NACC2: variants seen among roughly 807,000 people sequenced by gnomAD.
NACC2 encodes nucleus accumbens-associated protein 2.
NACC2 carries 8 observed loss-of-function variants against 25.1 expected under a neutral mutation model. That is an observed-to-expected ratio of 0.32 (90% CI 0.19 to 0.57). NACC2 has a LOEUF of 0.57. NACC2 is among the 20% of genes least tolerant of loss of function. NACC2 has a pLI of 0.89. For missense variants in NACC2, 644 were observed against 650.2 expected, an observed-to-expected ratio of 0.99 and a Z score of 0.10; for synonymous variants, 435 against 294.7, an observed-to-expected ratio of 1.48 and a Z score of -4.88.
chr9:136,012,994 C>G (rs2280484), intron 5 of NACC2, among the ~76,000 whole-genome samples: 18,467 of 152,292 alleles, frequency 0.12, 1,244 homozygotes, highest in Admixed American at 0.19. Context: ...ACTTGGAAAC[C>G]TACCAAGAAC....
intron 1 of NACC2, among the ~76,000 whole-genome samples, chr9:136,062,420 G>A (rs866537768): frequency 2.0e-5 from 3 of 152,212 alleles, no homozygotes; most frequent in Non-Finnish European, 2.9e-5. Context: ...CCCAAAGACA[G>A]TGAGGTTTTG....
chr9:136,051,933 GAGGAGGGC>G (rs1840850691), intron 1 of NACC2, among the ~76,000 whole-genome samples: 2 of 151,694 alleles, frequency 1.3e-5, no homozygotes, highest in Non-Finnish European at 2.9e-5. Context: ...GGAGGAGGAG[GAGGAGGGC>G]AGAGCGCCTG....
Position 136,064,600 on chromosome 9 carries a change from ATTATTAAAGTCTTCC to A in NACC2, c.-59-14035_-59-14021del, listed in dbSNP as rs1334642591. On this transcript the variant is annotated intron_variant, in intron 1 of 5. Transcript: ENST00000277554. Reference sequence around the variant, plus strand: ...TATTCATGGGATGGGAAGACCTAACATTATTAAAGTCTTCCTTAATAATGTTAATTAAGGAATATG... The same window carrying A: ...TATTCATGGGATGGGAAGACCTAACATTAATAATGTTAATTAAGGAATATG... Among the ~76,000 whole-genome samples the A allele has an allele frequency of 1.3e-4, 20 of 152,342 alleles. No individual in the cohort carries two copies. In the East Asian group the frequency reaches 2.7e-3, roughly 21 times the overall value.
intron 2 of NACC2, among the ~76,000 whole-genome samples, chr9:136,047,848 A>G (rs1049328198): frequency 2.2e-3 from 340 of 152,316 alleles, no homozygotes; most frequent in African/African-American, 7.9e-3. Context: ...CCCAGCACCC[A>G]GGGGCAGATG....
In NACC2 at chr9:136,012,001, TG is replaced by T; in HGVS notation, c.1278del (p.Ser427AlafsTer7). On this transcript the variant is annotated frameshift_variant, in exon 6 of 6. Coordinates refer to ENST00000277554, the MANE Select transcript of NACC2 (RefSeq NM_144653.5). LOFTEE classifies it high-confidence loss of function. Reference protein sequence around the residue: ...AVKLYCQNFAPSFKESEMNVI... With the variant: ...AVKLYCQNFAXSFKESEMNVI... ...ACGTTCATCTCGCTCTCCTTGAAGCTGGGGGCGAAGTTCTGACAGTACACTG... is the reference window on the plus strand; with the variant it reads ...ACGTTCATCTCGCTCTCCTTGAAGCTGGGGCGAAGTTCTGACAGTACACTG... The T allele has an allele frequency of 1.9e-6, 3 of 1,595,106 alleles. No homozygotes were observed. The highest frequency in any genetic ancestry group is 8.5e-7 in the Non-Finnish European group (1 of 1,171,538).
intron 2 of NACC2, among the ~76,000 whole-genome samples, chr9:136,028,371 G>A (rs891403959): frequency 1.2e-4 from 17 of 140,614 alleles, no homozygotes; most frequent in East Asian, 4.2e-4. Context: ...CTTTGCCTTT[G>A]CTTCCTTTTT....
intron 1 of NACC2, among the ~76,000 whole-genome samples, chr9:136,053,444 T>C (rs1256491241): frequency 6.6e-6 from 1 of 152,058 alleles, no homozygotes; most frequent in East Asian, 1.9e-4. Flanking sequence ...CACTCGGCCA[T>C]GCTGATGAGC....
chr9:136,069,594 C>A (rs191951312), intron 1 of NACC2, among the ~76,000 whole-genome samples: 3 of 151,548 alleles, frequency 2.0e-5, no homozygotes, highest in East Asian at 1.9e-4. Flanking sequence ...AAACACCTCA[C>A]TTCAAATATA....
At chr9:136,048,507 C>T (rs962385079) in intron 2 of NACC2, among the ~76,000 whole-genome samples, 1 of 152,248 alleles carries the variant, frequency 6.6e-6, no homozygotes, top group African/African-American at 2.4e-5. Flanking sequence ...AAGCCCAGAT[C>T]GAGGTGGCCT....
intron 2 of NACC2, among the ~76,000 whole-genome samples, chr9:136,029,410 C>T (rs889051981): frequency 2.0e-5 from 3 of 152,194 alleles, no homozygotes; most frequent in Non-Finnish European, 2.9e-5. Flanking sequence ...ACTTTACTTG[C>T]CCTCCAGTTG....
chr9:136,056,117 C>T (rs886365960), intron 1 of NACC2, among the ~76,000 whole-genome samples: 83 of 152,104 alleles, frequency 5.5e-4, no homozygotes, highest in Middle Eastern at 3.4e-3. Context: ...GCAGGGGGCC[C>T]GGAGGTTAAC....
At chr9:136,085,123 A>G (rs1830364515) in intron 1 of NACC2, among the ~76,000 whole-genome samples, 1 of 134,944 alleles carries the variant, frequency 7.4e-6, no homozygotes, top group South Asian at 2.4e-4. Context: ...ACATAGGAAG[A>G]CTCCATTTCT....
intron 1 of NACC2, among the ~76,000 whole-genome samples, chr9:136,072,093 C>T (rs1157082586): frequency 1.3e-5 from 2 of 151,886 alleles, no homozygotes; most frequent in Non-Finnish European, 2.9e-5. Flanking sequence ...TAAAAATTAG[C>T]TGGGCATGGT....
intron 1 of NACC2, among the ~76,000 whole-genome samples, chr9:136,085,137 A>ATTTTTTTTTTTTT: frequency 1.2e-5 from 1 of 82,770 alleles, no homozygotes; most frequent in Non-Finnish European, 2.3e-5. Flanking sequence ...CATTTCTACA[A>ATTTTTTTTTTTTT]TTTTTTTTTT....
chr9:136,013,727 G>A lies in NACC2; in HGVS notation c.1157+137C>T, dbSNP rs761381683. The A allele has an allele frequency of 1.9e-5, 14 of 729,100 alleles. No individual in the cohort carries two copies. The highest frequency in any genetic ancestry group is 2.5e-4 in the Middle Eastern group (1 of 4,080). 45.2% of individuals were successfully genotyped at this position (729,100 alleles called of 1,614,324 possible). On this transcript the variant is annotated intron_variant, in intron 4 of 5. Transcript: ENST00000277554. The surrounding 1 kb of genome is among the most constrained non-coding windows in gnomAD (Gnocchi z 6.6). ...GGAGCCTCTCCACCGTCCTGGGGCC[G>A]ACCGGCCACGGCTGAAGTCAGGAAT...
chr9:136,019,533 C>T lies in NACC2; in HGVS notation c.887-3104G>A, dbSNP rs532838934. Reference sequence around the variant, plus strand: ...AGGTGCCAGGACGGTGCCCTCCAAACCTCTCAGCATGGTGACATCTGGGAA... The same window carrying T: ...AGGTGCCAGGACGGTGCCCTCCAAATCTCTCAGCATGGTGACATCTGGGAA... On this transcript the variant is annotated intron_variant, in intron 2 of 5. Coordinates refer to ENST00000277554, the MANE Select transcript of NACC2 (RefSeq NM_144653.5). The surrounding 1 kb of genome is among the most constrained non-coding windows in gnomAD (Gnocchi z 5.2). 3 of 152,380 alleles carry T rather than the reference C, an allele frequency of 2.0e-5. No individual in the cohort carries two copies. The highest frequency in any genetic ancestry group is 4.4e-5 in the Non-Finnish European group (3 of 68,130). The allele number at this position is 152,380 out of a possible 1,614,324, so 9.4% of individuals were successfully genotyped here. A position where few individuals can be genotyped will look rare whatever the true frequency, so the allele number is the denominator to read the frequency against.
rs1840105389 is a variant in NACC2 at position 136,011,520 on chromosome 9, A to G, written c.1760T>C (p.Leu587Ser). Residue 587 changes from leucine to serine, a missense_variant, in exon 6 of 6, where the codon TTG (leucine) becomes TCG (serine). Coordinates refer to ENST00000277554, the MANE Select transcript of NACC2 (RefSeq NM_144653.5). ...CGCGCAGCCACCCAGCTCCGCTTACAAGGTCCCTGCATAGGTGCCCTCCGG... is the reference window on the plus strand; with the variant it reads ...CGCGCAGCCACCCAGCTCCGCTTACGAGGTCCCTGCATAGGTGCCCTCCGG... ...RRPEGTYAGT[L>S] is the part of the protein sequence containing the mutation. 5 of 1,383,096 alleles carry G rather than the reference A, an allele frequency of 3.6e-6. No individual in the cohort carries two copies. Among genetic ancestry groups the G allele is most frequent in the East Asian group, 5.6e-5 (2 of 35,744 alleles). The allele number at this position is 1,383,096 out of a possible 1,614,324, so 85.7% of individuals were successfully genotyped here. A position where few individuals can be genotyped will look rare whatever the true frequency, so the allele number is the denominator to read the frequency against.
intron 2 of NACC2, among the ~76,000 whole-genome samples, chr9:136,023,784 T>C (rs951844200): frequency 6.6e-6 from 1 of 152,184 alleles, no homozygotes; most frequent in Non-Finnish European, 1.5e-5. Context: ...ATCCCACCTA[T>C]CACAGCACAT....
chr9:136,093,096 C>G (rs1392512882), intron 1 of NACC2, among the ~76,000 whole-genome samples: 1 of 152,140 alleles, frequency 6.6e-6, no homozygotes, highest in Admixed American at 6.5e-5. Context: ...GGAAGGGGCA[C>G]AAGGTGGAAC....
Sources: allele counts gnomAD v4.1 joint callset (sites outside exome capture counted in the v4.1 genomes callset), GRCh38; gene constraint gnomAD v4.1.1; non-coding constraint Gnocchi (gnomAD v3.1); transcripts MANE v1.5; gene names NCBI Gene and HGNC (gene_info 2026-07-23, HGNC 2026-07-21).